The following PAX2 variants were observed in gnomAD, a reference collection of about 807,000 sequenced individuals.
PAX2 encodes paired box protein Pax-2.
A neutral mutation model predicts 41.7 loss-of-function variants in PAX2; 9 were observed. The observed-to-expected ratio is 0.22, with a 90% CI of 0.13 to 0.38. PAX2 has a LOEUF of 0.38. Ranked by LOEUF, PAX2 falls within the 10% of genes least tolerant of loss-of-function variation. The probability of loss-of-function intolerance (pLI) is 1.00; values close to 1 mark genes in which losing one functional copy is unlikely to be tolerated. For missense variants in PAX2, 418 were observed against 531.6 expected (o/e 0.79, Z 2.10); for synonymous variants, 221 against 212.7 (o/e 1.04, Z -0.34).
chr10:100,779,145 G>A (rs909401487), intron 3 of PAX2, among the ~76,000 whole-genome samples: 1 of 152,176 alleles, frequency 6.6e-6, no homozygotes, highest in African/African-American at 2.4e-5. Context: ...GAGAAAGGTG[G>A]ACAACAAGCC....
intron 3 of PAX2, among the ~76,000 whole-genome samples, chr10:100,758,346 T>C (rs1201226837): frequency 6.6e-6 from 1 of 152,158 alleles, no homozygotes; most frequent in Non-Finnish European, 1.5e-5. Flanking sequence ...TTCACCATGT[T>C]AGCCGGGATG....
chr10:100,737,906 T>A (rs1325596076), intron 1 of PAX2, among the ~76,000 whole-genome samples: 1 of 152,204 alleles, frequency 6.6e-6, no homozygotes, highest in Non-Finnish European at 1.5e-5. Context: ...GCTGAGCCTG[T>A]TCCGGAGCAG....
intron 3 of PAX2, among the ~76,000 whole-genome samples, chr10:100,753,713 TC>T (rs1372022528): frequency 6.6e-6 from 1 of 152,218 alleles, no homozygotes; most frequent in African/African-American, 2.4e-5. Context: ...ATCTTCTCCT[TC>T]CCAAAACAGA....
chr10:100,750,739 C>G lies in PAX2; in HGVS notation c.258C>G (p.Ser86=). 1 of 1,614,222 alleles carries G rather than the reference C, an allele frequency of 6.2e-7. No homozygotes were observed. Among genetic ancestry groups the G allele is most frequent in the Non-Finnish European group, 8.5e-7 (1 of 1,180,038 alleles). ...TCAAGCCGGGTGTGATCGGTGGCTCCAAGCCCAAAGTGGCGACGCCCAAAG... is the reference window on the plus strand; with the variant it reads ...TCAAGCCGGGTGTGATCGGTGGCTCGAAGCCCAAAGTGGCGACGCCCAAAG... ...GSIKPGVIGG[S]KPKVATPKVV... The change falls in exon 3 of 10, where the codon TCC becomes TCG. Residue 86 remains serine, a synonymous_variant. Coordinates refer to ENST00000355243, the MANE Select transcript of PAX2 (RefSeq NM_000278.5). This position sits in a 1 kb window ranked among gnomAD's most constrained non-coding sequence, Gnocchi z 4.1.
At chr10:100,770,208 T>C (rs1411664225) in intron 3 of PAX2, among the ~76,000 whole-genome samples, 1 of 152,192 alleles carries the variant, frequency 6.6e-6, no homozygotes, top group Admixed American at 6.5e-5. Context: ...AGCATGCCTG[T>C]GGTGGGACAG....
intron 3 of PAX2, among the ~76,000 whole-genome samples, chr10:100,751,356 G>T (rs1288320334): frequency 1.3e-5 from 2 of 152,176 alleles, no homozygotes; most frequent in Admixed American, 6.5e-5. Context: ...CACCTCCCAG[G>T]AGTCTGGTCT....
intron 5 of PAX2, chr10:100,787,033 T>C (rs774922215): frequency 2.2e-6 from 3 of 1,337,970 alleles, no homozygotes; most frequent in Non-Finnish European, 3.0e-6. Context: ...AGAGGGAACA[T>C]GGCGTGGGGG....
chr10:100,788,519 G>A (rs144047077), intron 5 of PAX2, among the ~76,000 whole-genome samples: 7 of 152,358 alleles, frequency 4.6e-5, no homozygotes, highest in African/African-American at 1.2e-4. Context: ...GGGGGAAGTC[G>A]GTGGGTGAGC....
chr10:100,756,971 C>T (rs891084188), intron 3 of PAX2, among the ~76,000 whole-genome samples: 1 of 152,234 alleles, frequency 6.6e-6, no homozygotes, highest in Non-Finnish European at 1.5e-5. Context: ...GCCCAAATAG[C>T]AAGTGAAATA....
chr10:100,793,313 G>A (rs912038024), intron 5 of PAX2, among the ~76,000 whole-genome samples: 3 of 152,198 alleles, frequency 2.0e-5, no homozygotes, highest in African/African-American at 7.2e-5. Flanking sequence ...TGATCTCCTC[G>A]GGGAATTCCC....
chr10:100,787,684 AAGG>A (rs1223145880), intron 5 of PAX2, among the ~76,000 whole-genome samples: 2 of 152,036 alleles, frequency 1.3e-5, no homozygotes, highest in African/African-American at 2.4e-5. Context: ...CTGATTATTG[AAGG>A]AGAAGAGAGG....
At chr10:100,764,224 A>G (rs1285625765) in intron 3 of PAX2, among the ~76,000 whole-genome samples, 3 of 146,214 alleles carry the variant, frequency 2.1e-5, no homozygotes, top group Admixed American at 6.9e-5. Flanking sequence ...GCTCACTGCA[A>G]CCTCCGCCTC....
chr10:100,737,795 A>C (rs930492295), intron 1 of PAX2, among the ~76,000 whole-genome samples: 1 of 152,212 alleles, frequency 6.6e-6, no homozygotes, highest in Non-Finnish European at 1.5e-5. Flanking sequence ...GGCTAGTTTA[A>C]AATGACAATG....
At chr10:100,738,982 C>G (rs1034982804) in intron 1 of PAX2, among the ~76,000 whole-genome samples, 6 of 151,228 alleles carry the variant, frequency 4.0e-5, no homozygotes, top group Non-Finnish European at 8.8e-5. Flanking sequence ...CCCCTTTCCC[C>G]GAGGGCCTAA....
chr10:100,790,026 C>T (rs1355497453), intron 5 of PAX2, among the ~76,000 whole-genome samples: 1 of 152,144 alleles, frequency 6.6e-6, no homozygotes, highest in African/African-American at 2.4e-5. Context: ...CATGCATCTG[C>T]ATATAAGTCC....
At chr10:100,795,518 T>C (rs1847292890) in intron 5 of PAX2, among the ~76,000 whole-genome samples, 1 of 152,222 alleles carries the variant, frequency 6.6e-6, no homozygotes, top group Non-Finnish European at 1.5e-5. Context: ...TGCCACAACT[T>C]ATTTTTGTGA....
At chr10:100,749,712 T>G (rs760564709) in intron 1 of PAX2, 34 bp from the exon 2 acceptor site, 2 of 1,600,398 alleles carry the variant, frequency 1.2e-6, no homozygotes, top group Non-Finnish European at 1.7e-6. Flanking sequence ...CTGCTGTGTG[T>G]GGGGTGTTGT....
chr10:100,797,248 A>G (rs1847371172), intron 5 of PAX2, among the ~76,000 whole-genome samples: 1 of 152,222 alleles, frequency 6.6e-6, no homozygotes, highest in Non-Finnish European at 1.5e-5. Context: ...TGTGATACGA[A>G]GAGATTCTAA....
rs1406651215 is a variant in PAX2, at chr10:100,828,442, A to G, written c.*823A>G. 21 of 234,032 alleles carry G rather than the reference A, an allele frequency of 9.0e-5. No homozygotes were observed. Among genetic ancestry groups the G allele is most frequent in the Non-Finnish European group, 1.8e-4 (21 of 119,002 alleles). 14.5% of individuals were successfully genotyped at this position (234,032 alleles called of 1,614,324 possible). ...CGGCTCTCAGCCCTGCCTTGCCCCTACCTCAGCGTCTCTTCCACCTGCTGG... is the reference window on the plus strand; with the variant it reads ...CGGCTCTCAGCCCTGCCTTGCCCCTGCCTCAGCGTCTCTTCCACCTGCTGG... On this transcript the variant is annotated 3_prime_UTR_variant, in exon 10 of 10. Coordinates refer to ENST00000355243, the MANE Select transcript of PAX2 (RefSeq NM_000278.5). This position sits in a 1 kb window ranked among gnomAD's most constrained non-coding sequence, Gnocchi z 6.5.
Sources: gnomAD v4.1 joint callset for allele counts (sites outside exome capture counted in the v4.1 genomes callset) on GRCh38, gnomAD v4.1.1 for gene constraint, Gnocchi (gnomAD v3.1) non-coding constraint, MANE v1.5 for transcripts, NCBI Gene and HGNC (gene_info 2026-07-23, HGNC 2026-07-21) for gene names.